The following EPHA3 variants were observed in gnomAD, a reference collection of about 807,000 sequenced individuals.
The protein encoded by EPHA3 is ephrin type-A receptor 3.
Under a neutral mutation model 107.1 loss-of-function variants are expected in EPHA3, and 42 were observed. The ratio of observed to expected loss-of-function variants is 0.39; its 90% CI spans 0.31 to 0.51. The LOEUF is 0.51. Ranked by LOEUF, EPHA3 falls within the 20% of genes least tolerant of loss-of-function variation. EPHA3 has a pLI of 0.78. For synonymous variants in EPHA3, 461 were observed against 424.8 expected (o/e 1.09, Z -1.05); for missense variants, 1,183 against 1,211.2 (o/e 0.98, Z 0.35).
intron 3 of EPHA3, among the ~76,000 whole-genome samples, chr3:89,262,076 A>G (rs1246881227): frequency 1.3e-5 from 2 of 152,122 alleles, no homozygotes; most frequent in Non-Finnish European, 2.9e-5. Flanking sequence ...ACTGGAAAGA[A>G]CCCAAATAAT....
intron 1 of EPHA3, among the ~76,000 whole-genome samples, chr3:89,111,289 G>C (rs1470336025): frequency 1.3e-5 from 2 of 151,846 alleles, no homozygotes; most frequent in Non-Finnish European, 2.9e-5. Context: ...CAATAAATTG[G>C]CATCACTTTT....
chr3:89,367,321 C>A (rs978956618), intron 5 of EPHA3, among the ~76,000 whole-genome samples: 2 of 150,578 alleles, frequency 1.3e-5, no homozygotes, highest in African/African-American at 4.8e-5. Context: ...AAAGTCAGTT[C>A]TTGAGTCACT....
At position 89,325,916 on chromosome 3, in the gene EPHA3, T is replaced by C. The variant is rs751003974; in HGVS notation, c.815-15000T>C. Among the ~76,000 whole-genome samples, 4 of 151,318 alleles carry C rather than the reference T, an allele frequency of 2.6e-5. No homozygotes were observed. In the East Asian group the frequency reaches 5.8e-4, roughly 22 times the overall value. ...TTCTTTAATATAATTAAGATTTATATACAGTTAAGATATTATACATATTAA... is the reference window on the plus strand; with the variant it reads ...TTCTTTAATATAATTAAGATTTATACACAGTTAAGATATTATACATATTAA... On this transcript the variant is annotated intron_variant, in intron 3 of 16. Coordinates refer to ENST00000336596, the MANE Select transcript of EPHA3 (RefSeq NM_005233.6).
At chr3:89,307,807 C>A (rs931108842) in intron 3 of EPHA3, among the ~76,000 whole-genome samples, 2 of 152,126 alleles carry the variant, frequency 1.3e-5, no homozygotes, top group African/African-American at 4.8e-5. Context: ...CCCACCTGGG[C>A]CTCCCAAAGT....
chr3:89,413,194 A>G lies in EPHA3; in HGVS notation c.1816A>G (p.Thr606Ala), dbSNP rs577668720. 17 of 1,611,898 alleles carry G rather than the reference A, an allele frequency of 1.1e-5. No homozygotes were observed. The African/African-American group carries it at 1.9e-4, about 18-fold the overall frequency. Residue 606 changes from threonine (T) to alanine (A), a missense_variant, in exon 10 of 17, where the codon ACC becomes GCC. Transcript: ENST00000336596. ...TGACCCACATACATATGAAGACCCT[A>G]CCCAAGCTGTTCATGAGTTTGCCAA... Reference protein sequence around the residue: ...YVDPHTYEDPTQAVHEFAKEL... With the variant: ...YVDPHTYEDPAQAVHEFAKEL...
At position 89,174,446 on chromosome 3, in the gene EPHA3, A is replaced by G. The variant is rs572477524; in HGVS notation, c.154-35414A>G. Among the ~76,000 whole-genome samples, 4 of 152,114 alleles carry G rather than the reference A, an allele frequency of 2.6e-5. No homozygotes were observed. In the South Asian group the frequency reaches 8.3e-4, roughly 31 times the overall value. On this transcript the variant is annotated intron_variant, in intron 2 of 16. Coordinates refer to ENST00000336596, the MANE Select transcript of EPHA3 (RefSeq NM_005233.6). ...TGCAGCTACATACAATGAGCTTATT[A>G]TCTGTTAGTAGATTGGGTCTCTTTT...
intron 2 of EPHA3, among the ~76,000 whole-genome samples, chr3:89,167,216 A>C (rs1705092351): frequency 6.6e-6 from 1 of 152,226 alleles, no homozygotes; most frequent in Admixed American, 6.5e-5. Flanking sequence ...ACTAGCTAAT[A>C]GATGCATTAC....
At chr3:89,188,874 A>G (rs1705637527) in intron 2 of EPHA3, among the ~76,000 whole-genome samples, 1 of 152,086 alleles carries the variant, frequency 6.6e-6, no homozygotes, top group Admixed American at 6.6e-5. Context: ...TTCCTCCTTA[A>G]AAGTAGGTTC....
chr3:89,144,154 A>G (rs879440197), intron 2 of EPHA3, among the ~76,000 whole-genome samples: 2 of 151,704 alleles, frequency 1.3e-5, no homozygotes, highest in South Asian at 2.1e-4. Context: ...TGCCAAATGC[A>G]TAATACATAT....
At chr3:89,398,896 G>T (rs776957605) in intron 6 of EPHA3, among the ~76,000 whole-genome samples, 1 of 152,094 alleles carries the variant, frequency 6.6e-6, no homozygotes, top group Non-Finnish European at 1.5e-5. Context: ...TTGGGCGGCC[G>T]AGGCAGGTGG....
At chr3:89,421,845 A>T (rs914513749) in intron 11 of EPHA3, among the ~76,000 whole-genome samples, 5 of 151,220 alleles carry the variant, frequency 3.3e-5, no homozygotes, top group Admixed American at 2.6e-4. Context: ...AAGACAAAAA[A>T]TGTAGAAAAA....
chr3:89,363,333 G>C (rs1226930033), intron 5 of EPHA3, among the ~76,000 whole-genome samples: 1 of 150,676 alleles, frequency 6.6e-6, no homozygotes, highest in African/African-American at 2.4e-5. Flanking sequence ...AGGCTCATGT[G>C]ATTGTGGAGG....
chr3:89,182,919 G>A (rs577683021), intron 2 of EPHA3, among the ~76,000 whole-genome samples: 1 of 151,828 alleles, frequency 6.6e-6, no homozygotes, highest in East Asian at 1.9e-4. Context: ...AAAATATTTT[G>A]AATGAAAATT....
intron 3 of EPHA3, among the ~76,000 whole-genome samples, chr3:89,278,200 G>A (rs1235098113): frequency 1.3e-5 from 2 of 152,102 alleles, no homozygotes; most frequent in African/African-American, 4.8e-5. Flanking sequence ...CATTTTAAAA[G>A]ATTTATTCTT....
intron 5 of EPHA3, among the ~76,000 whole-genome samples, chr3:89,345,550 C>A (rs1410601704): frequency 6.6e-6 from 1 of 150,536 alleles, no homozygotes; most frequent in East Asian, 1.9e-4. Context: ...TTACTTATTT[C>A]TGAACCACTT....
intron 2 of EPHA3, among the ~76,000 whole-genome samples, chr3:89,139,905 C>A (rs951000317): frequency 2.0e-5 from 3 of 151,722 alleles, no homozygotes; most frequent in East Asian, 3.9e-4. Context: ...CTACTTCAAC[C>A]GAGTGTCATG....
intron 3 of EPHA3, among the ~76,000 whole-genome samples, chr3:89,248,332 G>A (rs1023308399): frequency 8.5e-5 from 13 of 152,078 alleles, no homozygotes; most frequent in Non-Finnish European, 1.5e-4. Flanking sequence ...TTGATCACTA[G>A]ACTCATTCTA....
chr3:89,131,140 T>G (rs1313650413), intron 2 of EPHA3, among the ~76,000 whole-genome samples: 2 of 151,436 alleles, frequency 1.3e-5, no homozygotes, highest in African/African-American at 4.8e-5. Context: ...AGGTCGTGAA[T>G]AGCAATTCAT....
intron 10 of EPHA3, among the ~76,000 whole-genome samples, chr3:89,414,411 G>A (rs1709209242): frequency 6.6e-6 from 1 of 151,666 alleles, no homozygotes. Context: ...TAAGACTTGA[G>A]AGTAAACATA....
Sources: gnomAD v4.1 joint callset for allele counts (sites outside exome capture counted in the v4.1 genomes callset) on GRCh38, gnomAD v4.1.1 for gene constraint, MANE v1.5 for transcripts, NCBI Gene and HGNC (gene_info 2026-07-23, HGNC 2026-07-21) for gene names.